The following MTARC1 variants were observed in gnomAD, a reference collection of about 807,000 sequenced individuals.
MTARC1 encodes mitochondrial amidoxime reducing component 1, also known as mitochondrial amidoxime-reducing component 1.
Under a neutral mutation model 33.6 loss-of-function variants are expected in MTARC1, and 24 were observed. The observed-to-expected ratio is 0.72, with a 90% CI of 0.52 to 1.01. The LOEUF is 1.01. MTARC1 is among the 50% of genes least tolerant of loss of function. MTARC1 has a pLI of 0.00. For synonymous variants in MTARC1, 187 were observed against 189.5 expected, an observed-to-expected ratio of 0.99 and a Z score of 0.11; for missense variants, 417 against 445.7, an observed-to-expected ratio of 0.94 and a Z score of 0.58.
rs1255511934 is a variant in MTARC1 at position 220,813,459 on chromosome 1, A to G, written c.*41A>G. On this transcript the variant is annotated 3_prime_UTR_variant, in exon 7 of 7. Transcript: ENST00000366910. ...CTGGAATATTAGATGCCTTTTAAAA[A>G]TGTTCTCAAAAATGACAACACTTGA... 1.2e-6 allele frequency: 2 copies of G among 1,607,236 alleles called. No individual in the cohort carries two copies. The highest frequency in any genetic ancestry group is 2.2e-5 in the South Asian group (2 of 90,870).
Position 220,791,204 on chromosome 1 carries a change from G to A in MTARC1, c.276-287G>A, listed in dbSNP as rs577426402. On this transcript the variant is annotated intron_variant, in intron 1 of 6. Transcript: ENST00000366910. ...AGTGATCAGGCTTTCTAGAGATTGA[G>A]ATGAAAATATAATTAACATCTTTGA... 1.7e-5 allele frequency: 4 copies of A among 237,772 alleles called. No homozygotes were observed. The East Asian group carries it at 3.4e-4, about 20-fold the overall frequency. The allele number at this position is 237,772 out of a possible 1,614,324, so 14.7% of individuals were successfully genotyped here.
At chr1:220,811,222 C>T (rs180832058) in intron 6 of MTARC1, among the ~76,000 whole-genome samples, 2 of 152,300 alleles carry the variant, frequency 1.3e-5, no homozygotes, top group East Asian at 3.9e-4. Context: ...GGAGAGATGC[C>T]TGGTTTGTCA....
rs953970 is a variant in MTARC1 at position 220,791,456 on chromosome 1, T to C, written c.276-35T>C. 13,384 of 1,601,972 alleles carry C rather than the reference T, an allele frequency of 8.4e-3. 188 individuals carry two copies. The highest frequency in any genetic ancestry group is 0.058 in the East Asian group (2,578 of 44,666). On this transcript the variant is annotated intron_variant, in intron 1 of 6. Transcript: ENST00000366910. ...TCCAGGGTCTGGCTTCCTGCCATAATGGTTCACACATATCCTGTGTTTTGA... is the reference window on the plus strand; with the variant it reads ...TCCAGGGTCTGGCTTCCTGCCATAACGGTTCACACATATCCTGTGTTTTGA...
At chr1:220,813,236 GGTT>G in intron 6 of MTARC1, 53 bp from the exon 7 acceptor site, 1 of 1,612,456 alleles carries the variant, frequency 6.2e-7, no homozygotes, top group Non-Finnish European at 8.5e-7. Context: ...GCCACGTGCT[GGTT>G]GAGCTCTTGC....
chr1:220,803,129 T>G (rs1333372992), intron 4 of MTARC1, among the ~76,000 whole-genome samples: 1 of 152,192 alleles, frequency 6.6e-6, no homozygotes, highest in African/African-American at 2.4e-5. Flanking sequence ...GGACTCACAG[T>G]TCCACATGGC....
At chr1:220,807,262 G>A (rs1672998168) in intron 6 of MTARC1, among the ~76,000 whole-genome samples, 1 of 152,166 alleles carries the variant, frequency 6.6e-6, no homozygotes, top group South Asian at 2.1e-4. Flanking sequence ...ACAGTGGATT[G>A]ATGGATAGAT....
intron 1 of MTARC1, among the ~76,000 whole-genome samples, chr1:220,789,462 AT>A (rs34784835): frequency 0.62 from 93,513 of 151,944 alleles, 31,455 homozygotes; most frequent in Non-Finnish European, 0.77. Context: ...AACAAAAAAA[AT>A]CTCATAATGT....
chr1:220,801,812 G>A (rs1014711195), intron 4 of MTARC1, among the ~76,000 whole-genome samples: 3 of 152,134 alleles, frequency 2.0e-5, no homozygotes, highest in Non-Finnish European at 2.9e-5. Context: ...GAGGAAGGCC[G>A]AGGACCTGCA....
Position 220,797,977 on chromosome 1 carries a change from C to T in MTARC1, c.716C>T (p.Pro239Leu). Residue 239 changes from proline (P) to leucine (L), a missense_variant, in exon 4 of 7, where the codon CCC becomes CTC. Pro to Leu is a moderately conservative substitution (Grantham distance 98). Coordinates refer to ENST00000366910, the MANE Select transcript of MTARC1 (RefSeq NM_022746.4). ...EKKVKATNFR[P>L]NIVISGCDVY... Reference sequence around the variant, plus strand: ...AAAGTTAAAGCAACCAACTTCAGGCCCAATATTGTAATTTCAGGATGCGAT... The same window carrying T: ...AAAGTTAAAGCAACCAACTTCAGGCTCAATATTGTAATTTCAGGATGCGAT... The T allele has an allele frequency of 6.2e-7, 1 of 1,614,162 alleles. No individual in the cohort carries two copies. The highest frequency in any genetic ancestry group is 2.2e-5 in the East Asian group (1 of 44,888).
chr1:220,801,675 G>C (rs1672811326), intron 4 of MTARC1, among the ~76,000 whole-genome samples: 1 of 152,112 alleles, frequency 6.6e-6, no homozygotes, highest in African/African-American at 2.4e-5. Context: ...TGGGGAGTCT[G>C]GGAAGAATTT....
chr1:220,796,494 C>A, intron 2 of MTARC1, 149 bp from the exon 3 acceptor site: 2 of 940,514 alleles, frequency 2.1e-6, no homozygotes, highest in Non-Finnish European at 3.0e-6. Context: ...GGTTTGGAGT[C>A]AGGACCAGGA....
At chr1:220,810,781 G>A (rs1673108236) in intron 6 of MTARC1, among the ~76,000 whole-genome samples, 1 of 152,204 alleles carries the variant, frequency 6.6e-6, no homozygotes, top group Admixed American at 6.5e-5. Context: ...GGTGTACTCA[G>A]GAGGATGTCG....
Position 220,815,038 on chromosome 1 carries a change from A to C in MTARC1, c.*1620A>C, listed in dbSNP as rs1396147127. On this transcript the variant is annotated 3_prime_UTR_variant, in exon 7 of 7. Transcript: ENST00000366910. Reference sequence around the variant, plus strand: ...TGTTTTATGGTTGGTGAATTATTACAGTTTGTTTTCTGCATGCTTGGCATG... The same window carrying C: ...TGTTTTATGGTTGGTGAATTATTACCGTTTGTTTTCTGCATGCTTGGCATG... 6.6e-6 allele frequency: 1 copy of C among 152,254 alleles called. No homozygotes were observed. Among genetic ancestry groups the C allele is most frequent in the Non-Finnish European group, 1.5e-5 (1 of 68,050 alleles). 9.4% of individuals were successfully genotyped at this position (152,254 alleles called of 1,614,324 possible).
chr1:220,789,844 A>G (rs1220467701), intron 1 of MTARC1, among the ~76,000 whole-genome samples: 1 of 152,246 alleles, frequency 6.6e-6, no homozygotes, highest in African/African-American at 2.4e-5. Flanking sequence ...TTCCAATTAT[A>G]TGAAATGTCT....
chr1:220,792,599 T>C (rs1672459551), intron 2 of MTARC1, among the ~76,000 whole-genome samples: 1 of 151,924 alleles, frequency 6.6e-6, no homozygotes, highest in Admixed American at 6.5e-5. Context: ...TTGGTGGCTT[T>C]TCAGATTAGA....
At chr1:220,802,144 T>A (rs1672832035) in intron 4 of MTARC1, among the ~76,000 whole-genome samples, 1 of 152,080 alleles carries the variant, frequency 6.6e-6, no homozygotes, top group Admixed American at 6.6e-5. Flanking sequence ...TTCTCTCCCC[T>A]CCTTGGTGAT....
chr1:220,798,893 T>A (rs1672702751), intron 4 of MTARC1: 1 of 985,338 alleles, frequency 1.0e-6, no homozygotes, highest in South Asian at 4.7e-5. Flanking sequence ...CCAATTATAT[T>A]CTTCACTTTT....
intron 2 of MTARC1, chr1:220,793,920 G>A (rs1672517485): frequency 6.6e-6 from 1 of 152,200 alleles, no homozygotes; most frequent in Admixed American, 6.5e-5. Flanking sequence ...GGAGCAGGAA[G>A]AAGGCAGAAC....
intron 4 of MTARC1, 37 bp downstream of exon 4, chr1:220,798,051 G>T: frequency 6.2e-7 from 1 of 1,613,990 alleles, no homozygotes; most frequent in Non-Finnish European, 8.5e-7. Context: ...CCTTGGATTT[G>T]ACTTCTTTTT....
Sources: gnomAD v4.1 joint callset for allele counts (sites outside exome capture counted in the v4.1 genomes callset) on GRCh38, gnomAD v4.1.1 for gene constraint, MANE v1.5 for transcripts, NCBI Gene and HGNC (gene_info 2026-07-23, HGNC 2026-07-21) for gene names.